CDS1: variants seen among roughly 807,000 people sequenced by gnomAD.
The protein encoded by CDS1 is CDP-diacylglycerol synthase 1.
A neutral mutation model predicts 62.1 loss-of-function variants in CDS1; 41 were observed. That is an observed-to-expected ratio of 0.66 (90% CI 0.51 to 0.86). The LOEUF is 0.86. Among genes scored for constraint, CDS1 ranks in the 40% least tolerant of loss-of-function variants. The probability of loss-of-function intolerance (pLI) is 0.00; values close to 1 mark genes in which losing one functional copy is unlikely to be tolerated. For synonymous variants in CDS1, 185 were observed against 192.6 expected, an observed-to-expected ratio of 0.96 and a Z score of 0.32; for missense variants, 470 against 550.1, an observed-to-expected ratio of 0.85 and a Z score of 1.46.
chr4:84,633,999 ACGTTG>A, intron 7 of CDS1, 60 bp downstream of exon 7: 1 of 941,508 alleles, frequency 1.1e-6, no homozygotes, highest in Non-Finnish European at 1.6e-6. Context: ...TAGTTCTTTA[ACGTTG>A]GATAGTGTCT....
chr4:84,625,041 A>G (rs1364951259), intron 5 of CDS1, among the ~76,000 whole-genome samples: 3 of 152,000 alleles, frequency 2.0e-5, no homozygotes, highest in African/African-American at 7.3e-5. Flanking sequence ...TTGTATTTTT[A>G]GTAGAGATGG....
chr4:84,587,964 A>G (rs1334809979), intron 1 of CDS1, among the ~76,000 whole-genome samples: 1 of 152,234 alleles, frequency 6.6e-6, no homozygotes, highest in African/African-American at 2.4e-5. Context: ...AGAGAAGGCC[A>G]GGTTGCATCA....
chr4:84,619,385 A>G lies in CDS1; in HGVS notation c.441-9A>G. 1 of 1,412,310 alleles carries G rather than the reference A, an allele frequency of 7.1e-7. No homozygotes were observed. Among genetic ancestry groups the G allele is most frequent in the South Asian group, 1.5e-5 (1 of 68,100 alleles). 87.5% of individuals were successfully genotyped at this position (1,412,310 alleles called of 1,614,324 possible). ...AAATATAGAAAAGCTAATTGTTTTT[A>G]AATTATAGGTACTTTCTATTGTGTG... On this transcript the variant is annotated splice_polypyrimidine_tract_variant and intron_variant, in intron 4 of 12. Transcript: ENST00000295887.
At chr4:84,637,960 C>T (rs1724264971) in intron 8 of CDS1, among the ~76,000 whole-genome samples, 1 of 152,112 alleles carries the variant, frequency 6.6e-6, no homozygotes, top group Non-Finnish European at 1.5e-5. Context: ...ACCATTTCTG[C>T]CAACTGTTTT....
intron 1 of CDS1, among the ~76,000 whole-genome samples, chr4:84,601,856 T>C (rs1358668115): frequency 2.6e-5 from 4 of 152,090 alleles, no homozygotes; most frequent in Admixed American, 2.6e-4. Flanking sequence ...GAGGCTGCAG[T>C]GAGCTGAGAT....
chr4:84,641,991 G>T (rs1266219958), intron 10 of CDS1, among the ~76,000 whole-genome samples: 1 of 152,134 alleles, frequency 6.6e-6, no homozygotes, highest in Non-Finnish European at 1.5e-5. Context: ...GCTAGTGTTT[G>T]ATTAGGAGCA....
chr4:84,593,144 A>G (rs186293088), intron 1 of CDS1, among the ~76,000 whole-genome samples: 36 of 152,320 alleles, frequency 2.4e-4, no homozygotes, highest in African/African-American at 8.2e-4. Flanking sequence ...GAACAATTCT[A>G]TGGGACACTA....
chr4:84,603,342 A>G (rs2110046123), intron 1 of CDS1, among the ~76,000 whole-genome samples: 1 of 152,236 alleles, frequency 6.6e-6, no homozygotes, highest in Non-Finnish European at 1.5e-5. Flanking sequence ...CCCTCACTCC[A>G]GTTTCCTCCT....
intron 2 of CDS1, among the ~76,000 whole-genome samples, chr4:84,604,960 A>G (rs1723048560): frequency 6.6e-6 from 1 of 152,172 alleles, no homozygotes; most frequent in African/African-American, 2.4e-5. Flanking sequence ...TTATTGTCTA[A>G]AACTCCACAA....
Position 84,631,784 on chromosome 4 carries a change from T to C in CDS1, c.581-35T>C, listed in dbSNP as rs375312847. Reference sequence around the variant, plus strand: ...GGAATCTTAACCCTTTGTACCAAATTGTACAACGAGCACATGTTTTTTGTT... The same window carrying C: ...GGAATCTTAACCCTTTGTACCAAATCGTACAACGAGCACATGTTTTTTGTT... On this transcript the variant is annotated intron_variant, in intron 5 of 12. Transcript: ENST00000295887. 2.5e-6 allele frequency: 4 copies of C among 1,575,244 alleles called. No homozygotes were observed. In the African/African-American group the frequency reaches 4.0e-5, roughly 16 times the overall value.
Position 84,633,846 on chromosome 4 carries a change from G to T in CDS1, c.640-11G>T. On this transcript the variant is annotated splice_polypyrimidine_tract_variant and intron_variant, in intron 6 of 12. Transcript: ENST00000295887. Reference sequence around the variant, plus strand: ...TGTTCACTAATTTTTGTATTGTTGGGCTATTAACAGTTCGCATGGACTCAT... The same window carrying T: ...TGTTCACTAATTTTTGTATTGTTGGTCTATTAACAGTTCGCATGGACTCAT... The T allele has an allele frequency of 6.3e-7, 1 of 1,578,452 alleles. No homozygotes were observed. Among genetic ancestry groups the T allele is most frequent in the South Asian group, 1.1e-5 (1 of 87,600 alleles).
intron 1 of CDS1, among the ~76,000 whole-genome samples, chr4:84,591,893 A>G (rs1240622741): frequency 6.6e-6 from 1 of 152,176 alleles, no homozygotes; most frequent in African/African-American, 2.4e-5. Flanking sequence ...TTTTGAATCT[A>G]TGAAATGTTG....
Position 84,640,873 on chromosome 4 carries a change from CT to C in CDS1, c.916del (p.Cys306AlafsTer9). ...TGTTATCCAAATACCAGTACTTTGT[CT>C]GCCCAGTGGAATACCGAAGTGATGT... is the stretch of plus-strand genomic sequence containing the variant. ...YVLSKYQYFV[C>X]PVEYRSDVNS... On this transcript the variant is annotated frameshift_variant, in exon 10 of 13. Transcript: ENST00000295887. LOFTEE classifies it high-confidence loss of function. 1 of 1,604,710 alleles carries C rather than the reference CT, an allele frequency of 6.2e-7. No homozygotes were observed. Among genetic ancestry groups the C allele is most frequent in the Non-Finnish European group, 8.5e-7 (1 of 1,176,278 alleles).
intron 9 of CDS1, among the ~76,000 whole-genome samples, chr4:84,639,883 G>A (rs1313389046): frequency 6.6e-6 from 1 of 151,882 alleles, no homozygotes; most frequent in Non-Finnish European, 1.5e-5. Context: ...GAATATTGAT[G>A]AGATAATAAT....
intron 2 of CDS1, among the ~76,000 whole-genome samples, chr4:84,608,212 C>T (rs936973500): frequency 2.6e-5 from 4 of 152,326 alleles, no homozygotes; most frequent in African/African-American, 4.8e-5. Context: ...CTCGCTCAGT[C>T]GCCCAGGCTG....
At chr4:84,630,822 A>C (rs969197017) in intron 5 of CDS1, among the ~76,000 whole-genome samples, 4 of 152,118 alleles carry the variant, frequency 2.6e-5, no homozygotes, top group African/African-American at 9.7e-5. Flanking sequence ...AAAAAAAAGG[A>C]TGTTGCAGAA....
intron 1 of CDS1, 72 bp from the exon 2 acceptor site, chr4:84,604,171 A>G: frequency 7.7e-7 from 1 of 1,301,126 alleles, no homozygotes; most frequent in South Asian, 1.4e-5. Flanking sequence ...ACTGAGCAAT[A>G]AATGAATGTA....
At chr4:84,643,873 C>A (rs1724470857) in intron 11 of CDS1, among the ~76,000 whole-genome samples, 1 of 152,076 alleles carries the variant, frequency 6.6e-6, no homozygotes, top group Admixed American at 6.5e-5. Context: ...GGCTGAGGCA[C>A]CATCTGGGGT....
At chr4:84,596,569 G>A (rs1049182318) in intron 1 of CDS1, among the ~76,000 whole-genome samples, 1 of 152,120 alleles carries the variant, frequency 6.6e-6, no homozygotes, top group Non-Finnish European at 1.5e-5. Context: ...GATTATATTA[G>A]ACTCACCTGT....
Sources: gnomAD v4.1 joint callset for allele counts (sites outside exome capture counted in the v4.1 genomes callset) on GRCh38, gnomAD v4.1.1 for gene constraint, MANE v1.5 for transcripts, NCBI Gene and HGNC (gene_info 2026-07-23, HGNC 2026-07-21) for gene names.